CADM2: variants seen among roughly 807,000 people sequenced by gnomAD.
CADM2 encodes cell adhesion molecule 2, also known as immunoglobulin superfamily member 4D.
In CADM2, 12 loss-of-function variants were observed where a neutral mutation model predicts 49.8. The ratio of observed to expected loss-of-function variants is 0.24; its 90% CI spans 0.15 to 0.39. CADM2 has a LOEUF of 0.39. CADM2 is among the 10% of genes least tolerant of loss of function. The probability of loss-of-function intolerance (pLI) is 1.00; values close to 1 mark genes in which losing one functional copy is unlikely to be tolerated. For synonymous variants in CADM2, 214 were observed against 175.4 expected, an observed-to-expected ratio of 1.22 and a Z score of -1.74; for missense variants, 378 against 492.3, an observed-to-expected ratio of 0.77 and a Z score of 2.20.
intron 4 of CADM2, 119 bp from the exon 5 acceptor site, chr3:85,886,071 C>T: frequency 6.9e-7 from 1 of 1,445,210 alleles, no homozygotes; most frequent in Non-Finnish European, 9.3e-7. Context: ...GTTTGTTCAT[C>T]TTGATCGAAC....
chr3:85,082,773 C>T (rs2037217352), intron 1 of CADM2, among the ~76,000 whole-genome samples: 1 of 152,024 alleles, frequency 6.6e-6, no homozygotes. Context: ...TACAAGTAGT[C>T]TGAAAAACAT....
chr3:85,030,027 G>GT (rs2034908419), intron 1 of CADM2, among the ~76,000 whole-genome samples: 1 of 152,130 alleles, frequency 6.6e-6, no homozygotes, highest in African/African-American at 2.4e-5. Context: ...TCACAGATTT[G>GT]TTTTTTTCTC....
At chr3:85,026,255 A>C (rs931409955) in intron 1 of CADM2, among the ~76,000 whole-genome samples, 2 of 152,186 alleles carry the variant, frequency 1.3e-5, no homozygotes, top group Non-Finnish European at 2.9e-5. Flanking sequence ...CATTGTATGG[A>C]GTGAAGATCA....
At chr3:86,059,909 A>T (rs2107385250) in intron 8 of CADM2, among the ~76,000 whole-genome samples, 1 of 152,220 alleles carries the variant, frequency 6.6e-6, no homozygotes, top group South Asian at 2.1e-4. Context: ...CAAAAATATT[A>T]CTTTTTTAAA....
At chr3:85,168,723 C>CT (rs1232650644) in intron 1 of CADM2, among the ~76,000 whole-genome samples, 3 of 152,098 alleles carry the variant, frequency 2.0e-5, no homozygotes, top group Non-Finnish European at 1.5e-5. Context: ...TGAAATAAAA[C>CT]TTAATAGACA....
At position 85,666,687 on chromosome 3, in the gene CADM2, A is replaced by G. The variant is rs146007323; in HGVS notation, c.62-59835A>G. On this transcript the variant is annotated intron_variant, in intron 1 of 9. Transcript: ENST00000383699. ...CCTGTTTGTTCAGATTCTTCTTAGT[A>G]TCTGTGTTGATTTTTCTTCCTTCGA... Among the ~76,000 whole-genome samples, 150 of 115,894 alleles carry G rather than the reference A, an allele frequency of 1.3e-3. No homozygotes were observed. In the South Asian group the frequency reaches 0.016, roughly 13 times the overall value. 76.0% of individuals were successfully genotyped at this position (115,894 alleles called of 152,430 possible). A position where few individuals can be genotyped will look rare whatever the true frequency, so the allele number is the denominator to read the frequency against.
intron 1 of CADM2, among the ~76,000 whole-genome samples, chr3:85,379,086 A>G (rs1474422489): frequency 2.0e-5 from 3 of 151,946 alleles, no homozygotes; most frequent in Non-Finnish European, 4.4e-5. Context: ...TACATTAGGT[A>G]AATCAAGCAC....
intron 1 of CADM2, among the ~76,000 whole-genome samples, chr3:85,273,532 T>A (rs2043291004): frequency 6.6e-6 from 1 of 151,198 alleles, no homozygotes; most frequent in Non-Finnish European, 1.5e-5. Flanking sequence ...TGCAATAGGA[T>A]TTGCCAATTT....
At chr3:85,692,740 A>C (rs2066423896) in intron 1 of CADM2, among the ~76,000 whole-genome samples, 1 of 152,218 alleles carries the variant, frequency 6.6e-6, no homozygotes, top group Admixed American at 6.5e-5. Flanking sequence ...TCTCTGTTTC[A>C]AAGACTAGAG....
At chr3:85,488,720 C>T (rs560870966) in intron 1 of CADM2, among the ~76,000 whole-genome samples, 4 of 151,958 alleles carry the variant, frequency 2.6e-5, no homozygotes, top group Admixed American at 2.6e-4. Flanking sequence ...TTAGTAGATA[C>T]GGGGTTTCAC....
chr3:85,143,566 TG>T (rs1471884714), intron 1 of CADM2, among the ~76,000 whole-genome samples: 1 of 152,202 alleles, frequency 6.6e-6, no homozygotes, highest in East Asian at 1.9e-4. Flanking sequence ...CAAAATGCAT[TG>T]TTTTTGTTAA....
At chr3:85,313,546 G>A (rs1392866058) in intron 1 of CADM2, among the ~76,000 whole-genome samples, 2 of 152,100 alleles carry the variant, frequency 1.3e-5, no homozygotes, top group African/African-American at 4.8e-5. Flanking sequence ...TTTTTGATGA[G>A]AACAAGCATT....
rs375970045 is a variant in CADM2, at chr3:85,927,031, T to C, written c.701-8736T>C. The stretch of plus-strand genomic sequence containing the variant: ...ACTTCACTCCTTTGAGCATGTTTCG[T>C]ATTCTGTACAATGAGGAGAGCACAG... On this transcript the variant is annotated intron_variant, in intron 6 of 9. Transcript: ENST00000383699. 2.6e-5 allele frequency among the ~76,000 whole-genome samples: 4 copies of C among 152,218 alleles called. 1 individual carries two copies. Among genetic ancestry groups the C allele is most frequent in the East Asian group, 3.8e-4 (2 of 5,204 alleles).
At chr3:85,058,990 C>G (rs1357533938) in intron 1 of CADM2, among the ~76,000 whole-genome samples, 1 of 151,524 alleles carries the variant, frequency 6.6e-6, no homozygotes, top group African/African-American at 2.4e-5. Flanking sequence ...AAGGTCTATT[C>G]AAGAATGCAT....
At chr3:86,010,107 T>C (rs1310188564) in intron 8 of CADM2, among the ~76,000 whole-genome samples, 2 of 151,990 alleles carry the variant, frequency 1.3e-5, no homozygotes, top group African/African-American at 4.8e-5. Context: ...TAATATTTCA[T>C]ATTGATGACA....
chr3:85,757,508 T>C (rs1238933738), intron 2 of CADM2, among the ~76,000 whole-genome samples: 1 of 151,996 alleles, frequency 6.6e-6, no homozygotes, highest in Middle Eastern at 3.2e-3. Flanking sequence ...GGTATATAGA[T>C]AGTAGATGAT....
intron 3 of CADM2, among the ~76,000 whole-genome samples, chr3:85,856,427 A>G (rs1324617279): frequency 2.0e-5 from 3 of 152,194 alleles, no homozygotes; most frequent in African/African-American, 2.4e-5. Flanking sequence ...TGCTGTAAGC[A>G]TGACTTATTT....
At chr3:85,210,358 T>G (rs973746606) in intron 1 of CADM2, among the ~76,000 whole-genome samples, 116 of 152,196 alleles carry the variant, frequency 7.6e-4, no homozygotes, top group Admixed American at 7.6e-3. Context: ...TTTACTGGTT[T>G]GTTGAACACA....
chr3:86,012,136 A>G (rs1731590609), intron 8 of CADM2, among the ~76,000 whole-genome samples: 1 of 152,116 alleles, frequency 6.6e-6, no homozygotes, highest in African/African-American at 2.4e-5. Context: ...TATGCTTTCC[A>G]CATAACTATA....
Sources: allele counts gnomAD v4.1 joint callset (sites outside exome capture counted in the v4.1 genomes callset), GRCh38; gene constraint gnomAD v4.1.1; transcripts MANE v1.5; gene names NCBI Gene and HGNC (gene_info 2026-07-23, HGNC 2026-07-21).